Variants in RERE observed in about 807,000 individuals in gnomAD.
RERE encodes arginine-glutamic acid dipeptide repeats protein.
In RERE, 40 loss-of-function variants were observed where a neutral mutation model predicts 146.1. The ratio of observed to expected loss-of-function variants is 0.27; its 90% confidence interval spans 0.21 to 0.36. RERE has a LOEUF of 0.36. Among genes scored for constraint, RERE ranks in the 10% least tolerant of loss-of-function variants. RERE has a pLI of 1.00. For missense variants in RERE, 1,933 were observed against 2,138.7 expected (o/e 0.90, Z 1.90); for synonymous variants, 1,003 against 866.0 (o/e 1.16, Z -2.78).
intron 11 of RERE, among the ~76,000 whole-genome samples, chr1:8,448,708 A>T (rs1644354520): frequency 6.6e-6 from 1 of 152,144 alleles, no homozygotes; most frequent in Non-Finnish European, 1.5e-5. Context: ...GCACATCTGT[A>T]ATCCCAGCTA....
chr1:8,755,893 C>T (rs1168738529), intron 1 of RERE, among the ~76,000 whole-genome samples: 5 of 151,860 alleles, frequency 3.3e-5, no homozygotes, highest in Non-Finnish European at 5.9e-5. Flanking sequence ...AGTGAGACTC[C>T]GTCTCCACAA....
intron 1 of RERE, among the ~76,000 whole-genome samples, chr1:8,791,025 T>C (rs956136841): frequency 2.0e-5 from 3 of 152,192 alleles, no homozygotes; most frequent in Admixed American, 1.3e-4. Context: ...TTATATAACG[T>C]CTGAGAAATA....
At chr1:8,418,280 G>A (rs1304367737) in intron 12 of RERE, among the ~76,000 whole-genome samples, 1 of 152,128 alleles carries the variant, frequency 6.6e-6, no homozygotes, top group Non-Finnish European at 1.5e-5. Flanking sequence ...CCACCAACTG[G>A]GATTACAAAT....
rs770616629 is a variant in RERE, at chr1:8,359,875, C to G, written c.3507G>C (p.Lys1169Asn). The G allele has an allele frequency of 6.2e-7, 1 of 1,612,960 alleles. No individual in the cohort carries two copies. The highest frequency in any genetic ancestry group is 2.2e-5 in the East Asian group (1 of 44,876). The change falls in exon 19 of 23, where the codon AAG becomes AAC. Residue 1169 changes from lysine (K) to asparagine (N), a missense_variant. Lys to Asn is a moderately conservative substitution (Grantham distance 94). This residue lies in a region of RERE where 1,255 missense variants were observed against 1,153.8 expected (regional missense o/e 1.09). Transcript: ENST00000400908. ...CTTTCTGCTCAGCCTCGCGCTTGGC[C>G]TTCTCAATGGCCTCCTCCCTCTTCT... Reference protein sequence around the residue: ...LAKKREEAIEKAKREAEQKAR... With the variant: ...LAKKREEAIENAKREAEQKAR...
chr1:8,816,820 T>C (rs905141505), intron 1 of RERE, among the ~76,000 whole-genome samples: 2 of 151,962 alleles, frequency 1.3e-5, no homozygotes, highest in African/African-American at 2.4e-5. Context: ...ATTCAAGAAA[T>C]TTACAGTTTC....
At chr1:8,591,449 A>C (rs544662956) in intron 4 of RERE, among the ~76,000 whole-genome samples, 1 of 151,860 alleles carries the variant, frequency 6.6e-6, no homozygotes, top group Admixed American at 6.6e-5. Flanking sequence ...AAAAGAAAAG[A>C]AAAGCCAATT....
chr1:8,420,605 C>G (rs547057436), intron 12 of RERE, among the ~76,000 whole-genome samples: 113 of 152,336 alleles, frequency 7.4e-4, no homozygotes, highest in African/African-American at 2.6e-3. Context: ...CAGTGCAATG[C>G]AAAAGACAGC....
At chr1:8,418,756 G>T (rs1234214813) in intron 12 of RERE, among the ~76,000 whole-genome samples, 1 of 152,180 alleles carries the variant, frequency 6.6e-6, no homozygotes, top group Admixed American at 6.5e-5. Flanking sequence ...CCACGATTTT[G>T]TGTTATTCCT....
intron 7 of RERE, among the ~76,000 whole-genome samples, chr1:8,522,158 G>A (rs1645510183): frequency 6.6e-6 from 1 of 152,182 alleles, no homozygotes; most frequent in African/African-American, 2.4e-5. Flanking sequence ...CAGGAATACA[G>A]GCATGCCCCT....
chr1:8,572,982 G>C (rs1025407088), intron 4 of RERE, among the ~76,000 whole-genome samples: 1 of 152,266 alleles, frequency 6.6e-6, no homozygotes, highest in African/African-American at 2.4e-5. Context: ...ACAGAGACAG[G>C]TTTAAATAAC....
At chr1:8,570,716 T>C (rs1646211868) in intron 4 of RERE, among the ~76,000 whole-genome samples, 1 of 152,214 alleles carries the variant, frequency 6.6e-6, no homozygotes, top group Non-Finnish European at 1.5e-5. Flanking sequence ...TAGTTAAGAA[T>C]GGCTGGTCTC....
chr1:8,815,721 C>G (rs1219467622), intron 1 of RERE, among the ~76,000 whole-genome samples: 1 of 152,160 alleles, frequency 6.6e-6, no homozygotes, highest in East Asian at 1.9e-4. Context: ...CCCATCTTCT[C>G]TCTTCTCTCC....
intron 4 of RERE, among the ~76,000 whole-genome samples, chr1:8,604,116 TGGAACAAATGAATCA>T (rs1646669182): frequency 6.6e-6 from 1 of 152,142 alleles, no homozygotes. Flanking sequence ...GGTTTGACTC[TGGAACAAATGAATCA>T]GTATTCTCAT....
At chr1:8,482,273 C>CT (rs1317809227) in intron 10 of RERE, among the ~76,000 whole-genome samples, 1 of 152,130 alleles carries the variant, frequency 6.6e-6, no homozygotes, top group Admixed American at 6.5e-5. Flanking sequence ...GTAATGCTCT[C>CT]TCTCATGTTT....
chr1:8,420,964 G>T lies in RERE; in HGVS notation c.1284+1763C>A, dbSNP rs184830658. Among the ~76,000 whole-genome samples the T allele has an allele frequency of 3.3e-5, 5 of 152,252 alleles. No homozygotes were observed. The East Asian group carries it at 9.6e-4, about 29-fold the overall frequency. ...GAGCAAAAAGAAAAACATAGTAGAA[G>T]AACTTAACTAGGTTAAAGGTTACTC... is the stretch of plus-strand genomic sequence containing the variant. On this transcript the variant is annotated intron_variant, in intron 12 of 22. Transcript: ENST00000400908.
chr1:8,356,389 G>GGT lies in RERE; in HGVS notation c.4340-144_4340-143insAC. The stretch of plus-strand genomic sequence containing the variant: ...CTGGATGCACCACCTGGCTACAGGT[G>GGT]GCCCTGCCCCAAAGTGGCTGCCTCC... On this transcript the variant is annotated intron_variant, in intron 20 of 22. Transcript: ENST00000400908. This position sits in a 1 kb window ranked among gnomAD's most constrained non-coding sequence, Gnocchi z 5.2. 1.0e-6 allele frequency: 1 copy of GGT among 988,220 alleles called. No homozygotes were observed. The highest frequency in any genetic ancestry group is 1.4e-6 in the Non-Finnish European group (1 of 727,868). The allele number at this position is 988,220 out of a possible 1,614,324, so 61.2% of individuals were successfully genotyped here. A position where few individuals can be genotyped will look rare whatever the true frequency, so the allele number is the denominator to read the frequency against.
intron 1 of RERE, among the ~76,000 whole-genome samples, chr1:8,810,109 G>A (rs539630939): frequency 1.3e-5 from 2 of 151,304 alleles, no homozygotes; most frequent in East Asian, 1.9e-4. Context: ...GGGTTCAAGC[G>A]ATTCTTCCAC....
chr1:8,550,830 G>T (rs1290370821), intron 6 of RERE, among the ~76,000 whole-genome samples: 2 of 152,186 alleles, frequency 1.3e-5, no homozygotes, highest in Non-Finnish European at 2.9e-5. Context: ...TTACAGGCGT[G>T]AGCCACCGTG....
At chr1:8,617,261 T>A (rs1379362447) in intron 3 of RERE, among the ~76,000 whole-genome samples, 10 of 144,830 alleles carry the variant, frequency 6.9e-5, no homozygotes, top group Non-Finnish European at 1.3e-4. Context: ...GGAGAATCGC[T>A]TGAACCCAGA....
Sources: allele counts gnomAD v4.1 joint callset (sites outside exome capture counted in the v4.1 genomes callset), GRCh38; gene constraint gnomAD v4.1.1; regional missense constraint gnomAD v4.1.1; non-coding constraint Gnocchi (gnomAD v3.1); transcripts MANE v1.5; gene names NCBI Gene and HGNC (gene_info 2026-07-23, HGNC 2026-07-21).